Variants in DHRS7C observed in about 807,000 individuals in gnomAD.
DHRS7C encodes dehydrogenase/reductase 7C.
A neutral mutation model predicts 29.6 loss-of-function variants in DHRS7C; 28 were observed. That is an observed-to-expected ratio of 0.95 (90% CI 0.70 to 1.30). The LOEUF is 1.30. DHRS7C is among the 50% of genes most tolerant of loss of function. The probability of loss-of-function intolerance (pLI) is 0.00; values close to 1 mark genes in which losing one functional copy is unlikely to be tolerated. For synonymous variants in DHRS7C, 158 were observed against 160.2 expected (o/e 0.99, Z 0.10); for missense variants, 403 against 393.3 (o/e 1.02, Z -0.21).
chr17:9,791,254 G>C lies in DHRS7C; in HGVS notation c.31C>G (p.Leu11Val). 6.2e-7 allele frequency: 1 copy of C among 1,613,714 alleles called. No homozygotes were observed. Among genetic ancestry groups the C allele is most frequent in the Non-Finnish European group, 8.5e-7 (1 of 1,179,788 alleles). Residue 11 changes from leucine to valine, a missense_variant, in exon 1 of 6, where the codon CTG (leucine) becomes GTG (valine). Leu to Val is a conservative substitution (Grantham distance 32). Transcript: ENST00000571134. The stretch of plus-strand genomic sequence containing the variant: ...AGGCCGCTGATTCCCAGCAGCAGCA[G>C]GGGGAGCATCAGCATGGCCATGACT... Reference protein sequence around the residue: MGVMAMLMLPLLLLGISGLLF... With the variant: MGVMAMLMLPVLLLGISGLLF...
At position 9,772,915 on chromosome 17, in the gene DHRS7C, G is replaced by A. The variant is rs766572410; in HGVS notation, c.579C>T (p.Ala193=). The A allele has an allele frequency of 5.0e-6, 8 of 1,613,506 alleles. No homozygotes were observed. Among genetic ancestry groups the A allele is most frequent in the East Asian group, 2.2e-5 (1 of 44,860 alleles). The change falls in exon 5 of 6, where the codon GCC becomes GCT. Residue 193 remains alanine, a synonymous_variant. Transcript: ENST00000571134. ...AGAAGCCCAGGGCTGCGTGCTTGGA[G>A]GCAGCGTCTGCGAGACAAACCATCC... ...FGIPFRTTYA[A]SKHAALGFFD...
chr17:9,783,549 A>T (rs1202930482), intron 1 of DHRS7C, among the ~76,000 whole-genome samples: 1 of 152,222 alleles, frequency 6.6e-6, no homozygotes, highest in East Asian at 1.9e-4. Context: ...AAACTACAGA[A>T]ATTAAAGAGT....
chr17:9,786,148 C>T (rs2066421957), intron 1 of DHRS7C, among the ~76,000 whole-genome samples: 1 of 151,832 alleles, frequency 6.6e-6, no homozygotes, highest in Admixed American at 6.6e-5. Context: ...CATGGTGAAA[C>T]CCCGTTTCTA....
chr17:9,787,171 C>T (rs1286918656), intron 1 of DHRS7C, among the ~76,000 whole-genome samples: 1 of 152,190 alleles, frequency 6.6e-6, no homozygotes, highest in Non-Finnish European at 1.5e-5. Flanking sequence ...GTCTCGTACT[C>T]CTGACCTCAG....
At position 9,771,526 on chromosome 17, in the gene DHRS7C, C is replaced by G. The variant is rs753331851; in HGVS notation, c.898G>C (p.Gly300Arg). ...PEFFFAVVACGVKEKLNVPEE... is the reference protein window; with the variant it reads ...PEFFFAVVACRVKEKLNVPEE... ...GGGACATTGAGCTTCTCCTTCACCCCACAGGCCACCACGGCGAAAAAGAAC... is the reference window on the plus strand; with the variant it reads ...GGGACATTGAGCTTCTCCTTCACCCGACAGGCCACCACGGCGAAAAAGAAC... The change falls in exon 6 of 6, where the codon GGG becomes CGG. Residue 300 changes from glycine to arginine, a missense_variant. Physicochemically the swap from Gly to Arg is moderately radical, Grantham distance 125. Coordinates refer to ENST00000571134, the MANE Select transcript of DHRS7C (RefSeq NM_001105571.3). 8.9e-6 allele frequency: 14 copies of G among 1,577,674 alleles called. No homozygotes were observed. Among genetic ancestry groups the G allele is most frequent in the Middle Eastern group, 1.7e-4 (1 of 5,940 alleles).
At chr17:9,771,973 G>A (rs1379876430) in intron 5 of DHRS7C, among the ~76,000 whole-genome samples, 1 of 152,192 alleles carries the variant, frequency 6.6e-6, no homozygotes, top group African/African-American at 2.4e-5. Context: ...TGCAAAAGAG[G>A]TTAGGATCTA....
chr17:9,781,310 A>C (rs2066391649), intron 2 of DHRS7C, among the ~76,000 whole-genome samples, 172 bp downstream of exon 2: 1 of 152,190 alleles, frequency 6.6e-6, no homozygotes, highest in African/African-American at 2.4e-5. Flanking sequence ...AAAACAAGTC[A>C]ACCCTTTATG....
intron 1 of DHRS7C, among the ~76,000 whole-genome samples, chr17:9,786,662 G>A (rs1422197013): frequency 1.3e-5 from 2 of 152,162 alleles, no homozygotes; most frequent in African/African-American, 4.8e-5. Context: ...TCCGTGGGCA[G>A]CAGAAAGTCT....
chr17:9,772,515 G>A (rs1298958678), intron 5 of DHRS7C, among the ~76,000 whole-genome samples: 1 of 152,172 alleles, frequency 6.6e-6, no homozygotes, highest in Non-Finnish European at 1.5e-5. Context: ...TTGCCGAGGT[G>A]GCAGAGGAAG....
chr17:9,790,727 C>T (rs2066450148), intron 1 of DHRS7C, among the ~76,000 whole-genome samples: 1 of 152,206 alleles, frequency 6.6e-6, no homozygotes, highest in South Asian at 2.1e-4. Flanking sequence ...AAGTTTAAGG[C>T]AGAGAAGTGA....
chr17:9,776,730 C>T (rs1276240030), intron 4 of DHRS7C, among the ~76,000 whole-genome samples: 1 of 152,162 alleles, frequency 6.6e-6, no homozygotes, highest in Non-Finnish European at 1.5e-5. Flanking sequence ...AATTCTGCCC[C>T]TTTCTGTTTT....
intron 1 of DHRS7C, among the ~76,000 whole-genome samples, chr17:9,782,181 A>G (rs560418607): frequency 1.2e-4 from 19 of 152,356 alleles, no homozygotes; most frequent in African/African-American, 4.3e-4. Context: ...TAAAAGCAAT[A>G]GAAGCTCACA....
chr17:9,779,700 G>A, intron 3 of DHRS7C, 125 bp downstream of exon 3: 1 of 945,398 alleles, frequency 1.1e-6, no homozygotes, highest in Non-Finnish European at 1.6e-6. Context: ...CACCCAATAG[G>A]TAGGGAATTT....
chr17:9,791,225 G>A lies in DHRS7C; in HGVS notation c.60C>T (p.Leu20=), dbSNP rs2066453224. 9 of 1,613,708 alleles carry A rather than the reference G, an allele frequency of 5.6e-6. No individual in the cohort carries two copies. Among genetic ancestry groups the A allele is most frequent in the African/African-American group, 2.7e-5 (2 of 75,058 alleles). ...PLLLLGISGL[L]FIYQEVSRLW... is the part of the protein sequence containing the mutation. ...GCCTGGACACCTCTTGGTAAATGAA[G>A]AGGAGGCCGCTGATTCCCAGCAGCA... is the stretch of plus-strand genomic sequence containing the variant. The change falls in exon 1 of 6, where the codon CTC becomes CTT. Residue 20 remains leucine (L), a synonymous_variant. Coordinates refer to ENST00000571134, the MANE Select transcript of DHRS7C (RefSeq NM_001105571.3).
chr17:9,776,263 G>A (rs184371549), intron 4 of DHRS7C, among the ~76,000 whole-genome samples: 12 of 152,228 alleles, frequency 7.9e-5, no homozygotes, highest in Admixed American at 1.3e-4. Flanking sequence ...AGACATGCAC[G>A]TGCACAGAGG....
At chr17:9,783,694 G>A (rs1245866855) in intron 1 of DHRS7C, among the ~76,000 whole-genome samples, 7 of 152,164 alleles carry the variant, frequency 4.6e-5, no homozygotes, top group African/African-American at 1.7e-4. Flanking sequence ...AGCTGGGCGC[G>A]GTGGCTCATG....
intron 2 of DHRS7C, 141 bp downstream of exon 2, chr17:9,781,341 C>T: frequency 1.4e-6 from 1 of 727,896 alleles, no homozygotes; most frequent in African/African-American, 1.8e-5. Flanking sequence ...ATGCCTATGT[C>T]AAGGTCATTG....
In DHRS7C at chr17:9,775,406, G is replaced by A. The variant is rs1449749600; in HGVS notation, c.571+1787C>T. On this transcript the variant is annotated intron_variant, in intron 4 of 5. Coordinates refer to ENST00000571134, the MANE Select transcript of DHRS7C (RefSeq NM_001105571.3). This position sits in a 1 kb window ranked among gnomAD's most constrained non-coding sequence, Gnocchi z 4.2. ...ACTGAGTTCTCCCAATAGGATGTGA[G>A]CAGCGGTGATGCCAGCCTGGGGACA... is the stretch of plus-strand genomic sequence containing the variant. 6.6e-6 allele frequency among the ~76,000 whole-genome samples: 1 copy of A among 152,222 alleles called. No individual in the cohort carries two copies. The highest frequency in any genetic ancestry group is 1.5e-5 in the Non-Finnish European group (1 of 68,040).
At position 9,786,328 on chromosome 17, in the gene DHRS7C, AAATAATAATAAT is replaced by A. The variant is rs200610370; in HGVS notation, c.155-4746_155-4735del. ...GGCAACAAGAGCAAAACTCCGTCTCAAATAATAATAATAATAATAATAATAATAATAATAATA... is the reference window on the plus strand; with the variant it reads ...GGCAACAAGAGCAAAACTCCGTCTCAAATAATAATAATAATAATAATAATA... On this transcript the variant is annotated intron_variant, in intron 1 of 5. Transcript: ENST00000571134. Among the ~76,000 whole-genome samples the A allele has an allele frequency of 2.3e-4, 32 of 138,194 alleles. No homozygotes were observed. In the Middle Eastern group the frequency reaches 0.011, roughly 47 times the overall value. The allele number at this position is 138,194 out of a possible 152,430, so 90.7% of individuals were successfully genotyped here.
Sources: gnomAD v4.1 joint callset for allele counts (sites outside exome capture counted in the v4.1 genomes callset) on GRCh38, gnomAD v4.1.1 for gene constraint, Gnocchi (gnomAD v3.1) non-coding constraint, MANE v1.5 for transcripts, NCBI Gene and HGNC (gene_info 2026-07-23, HGNC 2026-07-21) for gene names.